The following MAST3 variants were observed in gnomAD, a reference collection of about 807,000 sequenced individuals.
The protein encoded by MAST3 is microtubule associated serine/threonine kinase 3, also known as microtubule-associated serine/threonine-protein kinase 3.
MAST3 carries 43 observed loss-of-function variants against 127.0 expected under a neutral mutation model. That is an observed-to-expected ratio of 0.34 (90% confidence interval 0.27 to 0.44). MAST3 has a LOEUF of 0.44. MAST3 is among the 20% of genes least tolerant of loss of function. The pLI is 1.00. For synonymous variants in MAST3, 785 were observed against 809.2 expected (o/e 0.97, Z 0.51); for missense variants, 1,390 against 1,919.1 (o/e 0.72, Z 5.15).
At chr19:18,139,976 C>G (rs1334928505) in intron 20 of MAST3, among the ~76,000 whole-genome samples, 7 of 150,348 alleles carry the variant, frequency 4.7e-5, no homozygotes, top group Non-Finnish European at 7.4e-5. Context: ...CCCGCCACCA[C>G]GCCCGGCTAA....
Position 18,097,787 on chromosome 19 carries a change from C to A in MAST3, c.-6C>A, listed in dbSNP as rs371204303. The A allele has an allele frequency of 1.6e-6, 2 of 1,219,128 alleles. No homozygotes were observed. Among genetic ancestry groups the A allele is most frequent in the Admixed American group, 4.3e-5 (1 of 23,134 alleles). 75.5% of individuals were successfully genotyped at this position (1,219,128 alleles called of 1,614,324 possible). A position where few individuals can be genotyped will look rare whatever the true frequency, so the allele number is the denominator to read the frequency against. The stretch of plus-strand genomic sequence containing the variant: ...GGGCGGGCCTGGCGGCGCGGACTCC[C>A]GGGCCATGGACGAGTCGAGCCTCCT... On this transcript the variant is annotated 5_prime_UTR_variant, in exon 1 of 28. Transcript: ENST00000687212.
At chr19:18,119,331 G>A (rs898835137) in intron 3 of MAST3, among the ~76,000 whole-genome samples, 5 of 152,168 alleles carry the variant, frequency 3.3e-5, no homozygotes, top group Admixed American at 3.3e-4. Flanking sequence ...GGTGCAGTGT[G>A]GGGGCGAGGA....
At chr19:18,109,968 G>C in intron 2 of MAST3, 9 of 985,366 alleles carry the variant, frequency 9.1e-6, no homozygotes, top group Non-Finnish European at 1.1e-5. Context: ...GCGGACCGCG[G>C]AGCCAGTGAC....
chr19:18,135,931 G>C (rs1483082341), intron 18 of MAST3, 90 bp downstream of exon 18: 1 of 977,566 alleles, frequency 1.0e-6, no homozygotes, highest in Non-Finnish European at 1.5e-6. Context: ...GTAGACAAGA[G>C]TTCTACTTGG....
intron 15 of MAST3, among the ~76,000 whole-genome samples, chr19:18,132,708 A>C (rs1374015786): frequency 1.3e-5 from 2 of 152,200 alleles, no homozygotes; most frequent in South Asian, 4.1e-4. Context: ...TGCTGTGTGC[A>C]GGGAAAAAGG....
chr19:18,121,078 A>T (rs1006337835), intron 3 of MAST3, among the ~76,000 whole-genome samples: 1 of 151,470 alleles, frequency 6.6e-6, no homozygotes, highest in Non-Finnish European at 1.5e-5. Flanking sequence ...ATGGTCTCAA[A>T]CTCCTGACCT....
intron 3 of MAST3, among the ~76,000 whole-genome samples, chr19:18,113,017 T>TGGG (rs2038805710): frequency 6.6e-6 from 1 of 152,144 alleles, no homozygotes; most frequent in Non-Finnish European, 1.5e-5. Context: ...GTCTAAATCC[T>TGGG]TGGCTTCCAC....
intron 2 of MAST3, among the ~76,000 whole-genome samples, chr19:18,108,485 C>T (rs919681479): frequency 5.3e-5 from 8 of 151,660 alleles, no homozygotes; most frequent in Non-Finnish European, 1.2e-4. Flanking sequence ...GAGAGTCTCC[C>T]GCCTCAGCCT....
chr19:18,097,791 C>G lies in MAST3; in HGVS notation c.-2C>G, dbSNP rs977276065. 3.3e-6 allele frequency: 4 copies of G among 1,220,706 alleles called. No homozygotes were observed. Among genetic ancestry groups the G allele is most frequent in the Non-Finnish European group, 3.1e-6 (3 of 981,098 alleles). 75.6% of individuals were successfully genotyped at this position (1,220,706 alleles called of 1,614,324 possible). ...GGGCCTGGCGGCGCGGACTCCCGGG[C>G]CATGGACGAGTCGAGCCTCCTGCGG... On this transcript the variant is annotated 5_prime_UTR_variant, in exon 1 of 28. Coordinates refer to ENST00000687212, the MANE Select transcript of MAST3 (RefSeq NM_001393504.1).
At chr19:18,132,167 C>G in intron 15 of MAST3, 120 bp downstream of exon 15, 1 of 1,366,994 alleles carries the variant, frequency 7.3e-7, no homozygotes, top group Non-Finnish European at 9.9e-7. Flanking sequence ...TTCAGGAGCC[C>G]CATCTGTCTG....
intron 3 of MAST3, among the ~76,000 whole-genome samples, chr19:18,117,312 C>A (rs1599714600): frequency 6.6e-6 from 1 of 152,282 alleles, no homozygotes; most frequent in Non-Finnish European, 1.5e-5. Flanking sequence ...TTGTGTAATT[C>A]TCATGTCAGT....
chr19:18,128,433 A>G lies in MAST3; in HGVS notation c.1112A>G (p.Gln371Arg). ...MVPLSHLEEE[Q>R]PPAPESPESR... ...CCACTGAGTCACCTCGAAGAAGAAC[A>G]GCCCCCAGCACCTGAGTCCCCAGAG... The change falls in exon 12 of 28, where the codon CAG (glutamine) becomes CGG (arginine). Residue 371 changes from glutamine (Q) to arginine (R), a missense_variant. Coordinates refer to ENST00000687212, the MANE Select transcript of MAST3 (RefSeq NM_001393504.1). 6.4e-7 allele frequency: 1 copy of G among 1,557,194 alleles called. No homozygotes were observed. The highest frequency in any genetic ancestry group is 1.9e-5 in the Admixed American group (1 of 51,824).
rs1445457189 is a variant in MAST3, at chr19:18,146,878, C to A, written c.3163-3C>A. Reference sequence around the variant, plus strand: ...AGGCAACCCCTCACCATCCCTCCCGCAGAGCGGCAACAAGATATCCCTGCG... The same window carrying A: ...AGGCAACCCCTCACCATCCCTCCCGAAGAGCGGCAACAAGATATCCCTGCG... On this transcript the variant is annotated splice_polypyrimidine_tract_variant and splice_region_variant and intron_variant, in intron 25 of 27. Transcript: ENST00000687212. 6.5e-7 allele frequency: 1 copy of A among 1,550,186 alleles called. No homozygotes were observed. The highest frequency in any genetic ancestry group is 8.7e-7 in the Non-Finnish European group (1 of 1,145,738).
intron 3 of MAST3, chr19:18,118,103 A>G (rs923961898): frequency 1.6e-5 from 16 of 985,084 alleles, no homozygotes; most frequent in Non-Finnish European, 1.9e-5. Context: ...CCTGGGGCCG[A>G]TCCCACCGCC....
At chr19:18,118,003 A>T in intron 3 of MAST3, 1 of 561,152 alleles carries the variant, frequency 1.8e-6, no homozygotes. Context: ...GCGGAGTTCC[A>T]GTCGCGCTCG....
chr19:18,100,236 C>G (rs1309352609), intron 1 of MAST3, among the ~76,000 whole-genome samples: 2 of 151,832 alleles, frequency 1.3e-5, no homozygotes, highest in Non-Finnish European at 1.5e-5. Flanking sequence ...GTAATTCTCC[C>G]TGCCTCAGCC....
rs749058587 is a variant in MAST3 at position 18,130,572 on chromosome 19, G to A, written c.1302G>A (p.Leu434=). The A allele has an allele frequency of 3.1e-6, 5 of 1,613,288 alleles. No individual in the cohort carries two copies. The highest frequency in any genetic ancestry group is 4.2e-6 in the Non-Finnish European group (5 of 1,179,590). ...AGATCAACAAACAGAACTTGATCCTGCGTAACCAGATCCAGCAGGTCTTTG... is the reference window on the plus strand; with the variant it reads ...AGATCAACAAACAGAACTTGATCCTACGTAACCAGATCCAGCAGGTCTTTG... ...IKKINKQNLI[L]RNQIQQVFVE... The change falls in exon 14 of 28, where the codon CTG becomes CTA. Residue 434 remains leucine, a synonymous_variant. Transcript: ENST00000687212.
In MAST3 at chr19:18,149,442, C is replaced by T. The variant is rs2043364259; in HGVS notation, c.3760C>T (p.Pro1254Ser). ...GCACCCGCCCGCACCTGCCCGATCCCCGCGGCTGCGCCGGGGCCAGTCAGC... is the reference window on the plus strand; with the variant it reads ...GCACCCGCCCGCACCTGCCCGATCCTCGCGGCTGCGCCGGGGCCAGTCAGC... ...PGHPPAPARS[P>S]RLRRGQSADK... Residue 1254 changes from proline (P) to serine (S), a missense_variant, in exon 28 of 28, where the codon CCG becomes TCG. Around this residue, in one of 5 missense-constraint regions of MAST3, gnomAD observed 816 missense variants for 934.1 expected, o/e 0.87. Transcript: ENST00000687212. The surrounding 1 kb of genome is among the most constrained non-coding windows in gnomAD (Gnocchi z 5.9). The T allele has an allele frequency of 6.6e-7, 1 of 1,526,132 alleles. No individual in the cohort carries two copies. The highest frequency in any genetic ancestry group is 1.2e-5 in the South Asian group (1 of 82,226). The allele number at this position is 1,526,132 out of a possible 1,614,324, so 94.5% of individuals were successfully genotyped here.
intron 2 of MAST3, among the ~76,000 whole-genome samples, chr19:18,109,375 A>G (rs1309023552): frequency 6.6e-6 from 1 of 152,022 alleles, no homozygotes; most frequent in Non-Finnish European, 1.5e-5. Context: ...TTGCCCCGAG[A>G]GCCGGCACTG....
Sources: allele counts gnomAD v4.1 joint callset (sites outside exome capture counted in the v4.1 genomes callset), GRCh38; gene constraint gnomAD v4.1.1; regional missense constraint gnomAD v4.1.1; non-coding constraint Gnocchi (gnomAD v3.1); transcripts MANE v1.5; gene names NCBI Gene and HGNC (gene_info 2026-07-23, HGNC 2026-07-21).